The following FNIP2 variants were observed in gnomAD, a reference collection of about 807,000 sequenced individuals.
FNIP2 encodes the protein folliculin interacting protein 2.
FNIP2 carries 32 observed loss-of-function variants against 108.7 expected under a neutral mutation model. The observed-to-expected ratio is 0.29, with a 90% CI of 0.22 to 0.40. FNIP2 has a LOEUF of 0.40. FNIP2 is among the 10% of genes least tolerant of loss of function. The pLI, the probability that FNIP2 is intolerant of heterozygous loss-of-function variation, is 1.00. For synonymous variants in FNIP2, 480 were observed against 496.7 expected (o/e 0.97, Z 0.45); for missense variants, 1,202 against 1,381.6 (o/e 0.87, Z 2.06).
intron 8 of FNIP2, among the ~76,000 whole-genome samples, chr4:158,856,618 G>T (rs533206209): frequency 6.6e-6 from 1 of 152,304 alleles, no homozygotes; most frequent in Non-Finnish European, 1.5e-5. Flanking sequence ...AGACAGATTA[G>T]GCATGGGGTC....
chr4:158,775,028 G>A (rs1198863475), intron 1 of FNIP2, among the ~76,000 whole-genome samples: 1 of 152,156 alleles, frequency 6.6e-6, no homozygotes, highest in Non-Finnish European at 1.5e-5. Context: ...GCTTTAGGTT[G>A]TGTTTCTCGT....
chr4:158,778,780 G>A lies in FNIP2; in HGVS notation c.107+9461G>A, dbSNP rs931965757. Among the ~76,000 whole-genome samples the A allele has an allele frequency of 5.3e-5, 8 of 152,314 alleles. No individual in the cohort carries two copies. The East Asian group carries it at 1.5e-3, about 29-fold the overall frequency. On this transcript the variant is annotated intron_variant, in intron 1 of 16. Coordinates refer to ENST00000264433, the MANE Select transcript of FNIP2 (RefSeq NM_020840.3). ...CTTGAAAGGTATCGCCTGTGGATAA[G>A]AGGGCACTACTGTAATTTTACCAGT... is the stretch of plus-strand genomic sequence containing the variant.
At chr4:158,888,896 A>G (rs769707571) in intron 14 of FNIP2, among the ~76,000 whole-genome samples, 13 of 151,788 alleles carry the variant, frequency 8.6e-5, no homozygotes, top group Non-Finnish European at 1.9e-4. Flanking sequence ...AAAAAAAGTA[A>G]GAAACTTTGG....
intron 16 of FNIP2, among the ~76,000 whole-genome samples, chr4:158,896,766 GTC>G (rs1782714704): frequency 6.8e-6 from 1 of 147,514 alleles, no homozygotes; most frequent in African/African-American, 2.5e-5. Flanking sequence ...CTTGCAACAT[GTC>G]TCTTTGTCGT....
At chr4:158,875,707 A>G (rs897732708) in intron 14 of FNIP2, among the ~76,000 whole-genome samples, 5 of 151,950 alleles carry the variant, frequency 3.3e-5, no homozygotes, top group East Asian at 1.9e-4. Context: ...GAAAACATCT[A>G]TGTAGGACAA....
chr4:158,781,961 A>G (rs182793138), intron 1 of FNIP2, among the ~76,000 whole-genome samples: 2 of 152,294 alleles, frequency 1.3e-5, no homozygotes, highest in East Asian at 3.9e-4. Flanking sequence ...TCTGAAGACT[A>G]GAGATAATAC....
At position 158,906,705 on chromosome 4, in the gene FNIP2, CA is replaced by C; in HGVS notation, c.*2166del. On this transcript the variant is annotated 3_prime_UTR_variant, in exon 17 of 17. Transcript: ENST00000264433. ...ACCTAATCCTCATATCTATTGCCTA[CA>C]AAAATAGACCAAGAATGTTGCTGCT... is the stretch of plus-strand genomic sequence containing the variant. The C allele has an allele frequency of 6.6e-6, 1 of 152,128 alleles. No homozygotes were observed. The highest frequency in any genetic ancestry group is 3.4e-3 in the Middle Eastern group (1 of 294). The allele number at this position is 152,128 out of a possible 1,614,324, so 9.4% of individuals were successfully genotyped here.
chr4:158,835,354 C>G (rs1243629571), intron 6 of FNIP2, 51 bp from the exon 7 acceptor site: 1 of 1,538,494 alleles, frequency 6.5e-7, no homozygotes, highest in Non-Finnish European at 9.0e-7. Flanking sequence ...ATTTTAAAAA[C>G]TTTATCTCTG....
intron 7 of FNIP2, among the ~76,000 whole-genome samples, chr4:158,843,981 T>A (rs531375885): frequency 6.6e-6 from 1 of 152,232 alleles, no homozygotes; most frequent in Non-Finnish European, 1.5e-5. Context: ...GGGTGCTGCC[T>A]GTTTGGAACC....
intron 1 of FNIP2, among the ~76,000 whole-genome samples, chr4:158,771,738 G>A (rs1319347713): frequency 3.3e-5 from 5 of 152,210 alleles, no homozygotes; most frequent in Non-Finnish European, 5.9e-5. Flanking sequence ...ATATGGGGGA[G>A]AATCTAAGAT....
At chr4:158,816,072 T>TAC (rs1491075945) in intron 1 of FNIP2, among the ~76,000 whole-genome samples, 1 of 149,192 alleles carries the variant, frequency 6.7e-6, no homozygotes, top group Admixed American at 6.7e-5. Context: ...GGGTCACGAG[T>TAC]ATATATATAT....
At chr4:158,798,945 T>G (rs1383846502) in intron 1 of FNIP2, among the ~76,000 whole-genome samples, 1 of 152,256 alleles carries the variant, frequency 6.6e-6, no homozygotes, top group African/African-American at 2.4e-5. Context: ...TGTTAAAAAT[T>G]ATAAATGCTT....
intron 15 of FNIP2, among the ~76,000 whole-genome samples, chr4:158,894,041 G>A (rs1782467359): frequency 6.6e-6 from 1 of 152,136 alleles, no homozygotes; most frequent in Non-Finnish European, 1.5e-5. Context: ...AAAAGAGAAG[G>A]TAGCTATTTG....
At chr4:158,833,483 C>A in intron 5 of FNIP2, 45 bp from the exon 6 acceptor site, 1 of 1,228,518 alleles carries the variant, frequency 8.1e-7, no homozygotes, top group Non-Finnish European at 1.2e-6. Context: ...AGCTTCTTGA[C>A]GTTTTTGTCC....
chr4:158,769,679 C>G (rs566313306), intron 1 of FNIP2, among the ~76,000 whole-genome samples: 10 of 152,188 alleles, frequency 6.6e-5, no homozygotes, highest in Non-Finnish European at 1.2e-4. Context: ...GCGGGCCCAG[C>G]AAAGCTGTGA....
At chr4:158,844,325 G>C (rs1488571122) in intron 7 of FNIP2, among the ~76,000 whole-genome samples, 1 of 152,120 alleles carries the variant, frequency 6.6e-6, no homozygotes, top group Non-Finnish European at 1.5e-5. Context: ...AGTATGCTTG[G>C]ATTTTTTTTG....
intron 1 of FNIP2, chr4:158,806,193 C>T: frequency 7.9e-7 from 1 of 1,267,886 alleles, no homozygotes; most frequent in Non-Finnish European, 1.0e-6. Context: ...GGATTTGTCT[C>T]CAAGTCCATG....
At chr4:158,894,381 A>G (rs1782499924) in intron 15 of FNIP2, among the ~76,000 whole-genome samples, 1 of 152,062 alleles carries the variant, frequency 6.6e-6, no homozygotes, top group Non-Finnish European at 1.5e-5. Flanking sequence ...TATGTTGCCT[A>G]GGTTGGTCTT....
chr4:158,883,276 C>G (rs1328401157), intron 14 of FNIP2, among the ~76,000 whole-genome samples: 1 of 151,986 alleles, frequency 6.6e-6, no homozygotes, highest in Admixed American at 6.6e-5. Flanking sequence ...GAGTCTGGCT[C>G]TGTCGTCCAG....
Sources: gnomAD v4.1 joint callset for allele counts (sites outside exome capture counted in the v4.1 genomes callset) on GRCh38, gnomAD v4.1.1 for gene constraint, MANE v1.5 for transcripts, NCBI Gene and HGNC (gene_info 2026-07-23, HGNC 2026-07-21) for gene names.